The following TSNARE1 variants were observed in gnomAD, a reference collection of about 807,000 sequenced individuals.
TSNARE1 encodes the protein t-SNARE domain containing 1.
A neutral mutation model predicts 62.0 loss-of-function variants in TSNARE1; 49 were observed. The observed-to-expected ratio is 0.79, with a 90% CI of 0.63 to 1.00. The LOEUF is 1.00. Ranked by LOEUF, TSNARE1 falls within the 50% of genes least tolerant of loss-of-function variation. The pLI, the probability that TSNARE1 is intolerant of heterozygous loss-of-function variation, is 0.00. For synonymous variants in TSNARE1, 328 were observed against 294.4 expected (o/e 1.11, Z -1.17); for missense variants, 755 against 700.1 (o/e 1.08, Z -0.88).
chr8:142,218,747 G>A (rs1018313796), intron 13 of TSNARE1, among the ~76,000 whole-genome samples: 1 of 152,182 alleles, frequency 6.6e-6, no homozygotes, highest in Non-Finnish European at 1.5e-5. Flanking sequence ...CCCACCCTGG[G>A]TGGCCCTGGA....
chr8:142,235,737 T>G (rs1392098861), intron 12 of TSNARE1, among the ~76,000 whole-genome samples: 1 of 152,168 alleles, frequency 6.6e-6, no homozygotes, highest in Admixed American at 6.5e-5. Context: ...GCACTCACTT[T>G]AGGCCAAAGG....
At chr8:142,213,592 T>C (rs1815680600) in intron 13 of TSNARE1, among the ~76,000 whole-genome samples, 1 of 152,058 alleles carries the variant, frequency 6.6e-6, no homozygotes, top group Non-Finnish European at 1.5e-5. Flanking sequence ...GCAAACTCCC[T>C]GCGGCCAGGA....
intron 1 of TSNARE1, among the ~76,000 whole-genome samples, chr8:142,355,113 G>A (rs1005880111): frequency 3.3e-5 from 5 of 152,166 alleles, no homozygotes; most frequent in African/African-American, 7.2e-5. Flanking sequence ...TTCTGGGAGC[G>A]CTGGGCCCCC....
chr8:142,369,651 T>A (rs1252456282), intron 1 of TSNARE1, among the ~76,000 whole-genome samples: 1 of 151,504 alleles, frequency 6.6e-6, no homozygotes, highest in Non-Finnish European at 1.5e-5. Flanking sequence ...TAACAGGAGG[T>A]CGCAGGGAAA....
chr8:142,221,864 C>CTCAT (rs1185216848), intron 13 of TSNARE1, among the ~76,000 whole-genome samples: 1 of 125,480 alleles, frequency 8.0e-6, no homozygotes, highest in Non-Finnish European at 1.8e-5. Context: ...CATCCACTCA[C>CTCAT]TCATTCACTC....
chr8:142,277,948 C>A, intron 11 of TSNARE1: 1 of 985,418 alleles, frequency 1.0e-6, no homozygotes, highest in Non-Finnish European at 1.2e-6. Context: ...TGCCATGAAG[C>A]ACCCCCAAAC....
chr8:142,353,250 G>A (rs1159261792), intron 2 of TSNARE1, among the ~76,000 whole-genome samples: 2 of 152,124 alleles, frequency 1.3e-5, no homozygotes, highest in African/African-American at 4.8e-5. Context: ...ACTCAAGAAA[G>A]AGGATCTCAG....
intron 2 of TSNARE1, among the ~76,000 whole-genome samples, chr8:142,349,785 G>C (rs947881098): frequency 6.6e-6 from 1 of 152,182 alleles, no homozygotes; most frequent in Admixed American, 6.5e-5. Context: ...CCACCAGGCC[G>C]GAGGTCTCTT....
intron 1 of TSNARE1, among the ~76,000 whole-genome samples, chr8:142,393,134 C>A (rs745966386): frequency 6.6e-6 from 1 of 152,140 alleles, no homozygotes; most frequent in Admixed American, 6.5e-5. Context: ...CCATCCACAC[C>A]GTGGAACAGG....
intron 1 of TSNARE1, among the ~76,000 whole-genome samples, chr8:142,364,869 TCTTTA>T (rs1835419593): frequency 6.6e-6 from 1 of 152,190 alleles, no homozygotes; most frequent in Admixed American, 6.5e-5. Flanking sequence ...GAAGAGCTTT[TCTTTA>T]GAGTAGAAAG....
At chr8:142,261,415 G>A (rs1446278983) in intron 12 of TSNARE1, among the ~76,000 whole-genome samples, 1 of 149,208 alleles carries the variant, frequency 6.7e-6, no homozygotes, top group Non-Finnish European at 1.5e-5. Flanking sequence ...GGAGGAGAGA[G>A]GAAGGAGGGA....
chr8:142,376,543 G>C (rs2131132395), intron 1 of TSNARE1, among the ~76,000 whole-genome samples: 1 of 152,300 alleles, frequency 6.6e-6, no homozygotes, highest in East Asian at 1.9e-4. Context: ...ACCCAGAAGA[G>C]GGCCCCCCAG....
chr8:142,394,712 C>G (rs780071542), intron 1 of TSNARE1, among the ~76,000 whole-genome samples: 2 of 152,164 alleles, frequency 1.3e-5, no homozygotes, highest in Non-Finnish European at 2.9e-5. Context: ...CACCTCCCTG[C>G]TCCAACCAGG....
At chr8:142,369,869 G>A (rs1475629563) in intron 1 of TSNARE1, among the ~76,000 whole-genome samples, 4 of 152,236 alleles carry the variant, frequency 2.6e-5, no homozygotes, top group Non-Finnish European at 5.9e-5. Flanking sequence ...CCCAGAAGGT[G>A]AAGAGAGAGA....
In TSNARE1 at chr8:142,331,826, G is replaced by T; in HGVS notation, c.751C>A (p.Gln251Lys). The stretch of plus-strand genomic sequence containing the variant: ...TCCTGGAGGTTGCACGGATCGACCT[G>T]GGTGGCTGGGAGAAGACAGGGAGGA... Reference protein sequence around the residue: ...GFSLEPPRATQVDPCNLQELF... With the variant: ...GFSLEPPRATKVDPCNLQELF... The change falls in exon 5 of 14, where the codon CAG (glutamine) becomes AAG (lysine). Residue 251 changes from glutamine (Q) to lysine (K), a missense_variant. Gln to Lys is a moderately conservative substitution (Grantham distance 53). Transcript: ENST00000524325. 2.5e-6 allele frequency: 4 copies of T among 1,607,830 alleles called. No individual in the cohort carries two copies. Among genetic ancestry groups the T allele is most frequent in the Non-Finnish European group, 3.4e-6 (4 of 1,177,214 alleles).
intron 11 of TSNARE1, chr8:142,278,265 G>GCA (rs1820826899): frequency 1.0e-6 from 1 of 985,306 alleles, no homozygotes; most frequent in Non-Finnish European, 1.2e-6. Context: ...CTGCCCATGG[G>GCA]TCCCAGCCTC....
intron 1 of TSNARE1, among the ~76,000 whole-genome samples, chr8:142,391,188 T>A (rs867323648): frequency 7.9e-6 from 1 of 126,050 alleles, no homozygotes; most frequent in Admixed American, 7.9e-5. Flanking sequence ...TGTACACTGC[T>A]GGGGACTCTG....
At chr8:142,275,271 T>C (rs1337314239) in intron 11 of TSNARE1, 5 of 985,406 alleles carry the variant, frequency 5.1e-6, no homozygotes, top group Middle Eastern at 5.2e-4. Flanking sequence ...TTAACGTCTG[T>C]GGAGTTGCGA....
At chr8:142,342,119 A>C (rs1832672414) in intron 4 of TSNARE1, among the ~76,000 whole-genome samples, 1 of 152,230 alleles carries the variant, frequency 6.6e-6, no homozygotes, top group South Asian at 2.1e-4. Flanking sequence ...CTGACGGCCA[A>C]AGAGGGGCTC....
Sources: gnomAD v4.1 joint callset for allele counts (sites outside exome capture counted in the v4.1 genomes callset) on GRCh38, gnomAD v4.1.1 for gene constraint, MANE v1.5 for transcripts, NCBI Gene and HGNC (gene_info 2026-07-23, HGNC 2026-07-21) for gene names.